Variants in ADCY2 observed in about 807,000 individuals in gnomAD.
ADCY2 encodes adenylate cyclase type 2.
In ADCY2, 31 loss-of-function variants were observed where a neutral mutation model predicts 125.2. The ratio of observed to expected loss-of-function variants is 0.25; its 90% confidence interval spans 0.19 to 0.33. ADCY2 has a LOEUF of 0.33. Among genes scored for constraint, ADCY2 ranks in the 10% least tolerant of loss-of-function variants. ADCY2 has a pLI of 1.00. For synonymous variants in ADCY2, 512 were observed against 548.4 expected (o/e 0.93, Z 0.93); for missense variants, 904 against 1,418.2 (o/e 0.64, Z 5.82).
intron 4 of ADCY2, among the ~76,000 whole-genome samples, chr5:7,643,273 C>T (rs952789692): frequency 6.6e-6 from 1 of 151,978 alleles, no homozygotes; most frequent in African/African-American, 2.4e-5. Flanking sequence ...TTAATTTTTT[C>T]AGCATGAATT....
intron 2 of ADCY2, among the ~76,000 whole-genome samples, chr5:7,435,501 T>C (rs1310112787): frequency 6.6e-6 from 1 of 152,210 alleles, no homozygotes; most frequent in Non-Finnish European, 1.5e-5. Flanking sequence ...GTTCAGGGCA[T>C]ACAACAGCTC....
At chr5:7,493,811 G>A (rs1215665741) in intron 2 of ADCY2, among the ~76,000 whole-genome samples, 1 of 152,180 alleles carries the variant, frequency 6.6e-6, no homozygotes, top group Non-Finnish European at 1.5e-5. Context: ...CTAAGTAAAA[G>A]AGGAAGTCTT....
chr5:7,598,503 A>C (rs1012536609), intron 3 of ADCY2, among the ~76,000 whole-genome samples: 1 of 152,220 alleles, frequency 6.6e-6, no homozygotes, highest in Non-Finnish European at 1.5e-5. Context: ...TATCTCAAAC[A>C]GATCAGAATT....
intron 3 of ADCY2, among the ~76,000 whole-genome samples, chr5:7,597,103 G>C (rs996397180): frequency 1.3e-5 from 2 of 152,098 alleles, no homozygotes; most frequent in Non-Finnish European, 2.9e-5. Flanking sequence ...TATTTATCTT[G>C]GTCTTTTTTT....
intron 4 of ADCY2, among the ~76,000 whole-genome samples, chr5:7,637,243 G>A (rs1178378400): frequency 6.6e-6 from 1 of 152,066 alleles, no homozygotes; most frequent in African/African-American, 2.4e-5. Flanking sequence ...GCCAAGGCAG[G>A]CGGATCACCT....
intron 12 of ADCY2, among the ~76,000 whole-genome samples, chr5:7,719,041 C>G (rs1390260863): frequency 6.6e-6 from 1 of 152,022 alleles, no homozygotes; most frequent in Non-Finnish European, 1.5e-5. Flanking sequence ...TAAAGTTAAC[C>G]TCAGCATGTG....
At chr5:7,493,583 C>CCGAT (rs1250844098) in intron 2 of ADCY2, among the ~76,000 whole-genome samples, 1 of 152,116 alleles carries the variant, frequency 6.6e-6, no homozygotes, top group African/African-American at 2.4e-5. Flanking sequence ...AGAGGGGGAT[C>CCGAT]CCTTCCTAGA....
chr5:7,653,032 C>T (rs967916685), intron 4 of ADCY2, among the ~76,000 whole-genome samples: 1 of 152,170 alleles, frequency 6.6e-6, no homozygotes, highest in Non-Finnish European at 1.5e-5. Context: ...TTCCATGTTA[C>T]TGTGTGCTGG....
At chr5:7,631,087 G>A (rs767006664) in intron 4 of ADCY2, among the ~76,000 whole-genome samples, 8 of 152,078 alleles carry the variant, frequency 5.3e-5, no homozygotes, top group African/African-American at 1.2e-4. Flanking sequence ...CACTGAGCCC[G>A]GCCTGTCTCT....
intron 2 of ADCY2, among the ~76,000 whole-genome samples, chr5:7,493,331 G>C (rs76073883): frequency 0.022 from 3,297 of 152,196 alleles, 140 homozygotes; most frequent in African/African-American, 0.075. Flanking sequence ...TCTATGAATG[G>C]AGTGGCAGGA....
intron 18 of ADCY2, among the ~76,000 whole-genome samples, chr5:7,780,202 C>A (rs866895470): frequency 6.6e-6 from 1 of 152,178 alleles, no homozygotes; most frequent in African/African-American, 2.4e-5. Context: ...TGCATCTTAA[C>A]CTCAGATTAG....
chr5:7,540,480 T>G (rs1341779970), intron 3 of ADCY2, among the ~76,000 whole-genome samples: 2 of 152,190 alleles, frequency 1.3e-5, no homozygotes, highest in East Asian at 3.9e-4. Flanking sequence ...ATACCCCAAA[T>G]GTGTCTGAAC....
At chr5:7,504,203 C>T (rs180973850) in intron 2 of ADCY2, among the ~76,000 whole-genome samples, 4 of 152,278 alleles carry the variant, frequency 2.6e-5, no homozygotes, top group Admixed American at 1.3e-4. Flanking sequence ...CTCACGGCTA[C>T]CTCTTAAATG....
chr5:7,591,316 A>G (rs1186209686), intron 3 of ADCY2, among the ~76,000 whole-genome samples: 2 of 152,160 alleles, frequency 1.3e-5, no homozygotes, highest in African/African-American at 4.8e-5. Flanking sequence ...ATTTTTGTAT[A>G]ACACCACCCT....
At chr5:7,720,248 A>T (rs1741716779) in intron 12 of ADCY2, among the ~76,000 whole-genome samples, 2 of 152,162 alleles carry the variant, frequency 1.3e-5, no homozygotes, top group Admixed American at 6.5e-5. Flanking sequence ...TAATCAGCAC[A>T]CACGAATCTA....
In ADCY2 at chr5:7,745,939, G is replaced by A. The variant is rs1376966835; in HGVS notation, c.1956+2187G>A. The stretch of plus-strand genomic sequence containing the variant: ...AATATCTCAGGAACAACTCTGCTGC[G>A]TCTGTGGGAAAGCATTGTTCCTCTC... On this transcript the variant is annotated intron_variant, in intron 15 of 24. Transcript: ENST00000338316. Among the ~76,000 whole-genome samples, 7 of 152,144 alleles carry A rather than the reference G, an allele frequency of 4.6e-5. No individual in the cohort carries two copies. In the East Asian group the frequency reaches 7.7e-4, roughly 17 times the overall value.
chr5:7,415,701 C>T (rs1179421257), intron 2 of ADCY2, among the ~76,000 whole-genome samples: 1 of 152,140 alleles, frequency 6.6e-6, no homozygotes, highest in South Asian at 2.1e-4. Flanking sequence ...AGGCTCTGGG[C>T]CTCAGGTCAT....
At chr5:7,502,381 C>A (rs924190995) in intron 2 of ADCY2, among the ~76,000 whole-genome samples, 1 of 152,124 alleles carries the variant, frequency 6.6e-6, no homozygotes, top group African/African-American at 2.4e-5. Flanking sequence ...CAAACCCCTC[C>A]AGTCCAGAGA....
chr5:7,660,864 G>A (rs1044231144), intron 4 of ADCY2, among the ~76,000 whole-genome samples: 4 of 152,166 alleles, frequency 2.6e-5, no homozygotes, highest in South Asian at 4.1e-4. Context: ...TACTGAAGCT[G>A]ACATAAAATT....
Sources: gnomAD v4.1 joint callset for allele counts (sites outside exome capture counted in the v4.1 genomes callset) on GRCh38, gnomAD v4.1.1 for gene constraint, MANE v1.5 for transcripts, NCBI Gene and HGNC (gene_info 2026-07-23, HGNC 2026-07-21) for gene names.